Variants in SLFN12L observed in about 807,000 individuals in gnomAD.
SLFN12L encodes schlafen family member 12-like.
In SLFN12L, 34 loss-of-function variants were observed where a neutral mutation model predicts 34.8. The ratio of observed to expected loss-of-function variants is 0.98; its 90% CI spans 0.74 to 1.30. SLFN12L has a LOEUF of 1.30. Ranked by LOEUF, SLFN12L falls within the 50% of genes most tolerant of loss-of-function variation. The pLI is 0.00. For synonymous variants in SLFN12L, 259 were observed against 247.5 expected (o/e 1.05, Z -0.44); for missense variants, 703 against 696.2 (o/e 1.01, Z -0.11).
At chr17:35,525,018 C>A (rs987272834) in intron 1 of SLFN12L, among the ~76,000 whole-genome samples, 2 of 151,810 alleles carry the variant, frequency 1.3e-5, no homozygotes, top group Non-Finnish European at 2.9e-5. Context: ...ATATAAATGA[C>A]CTGATGGAGC....
In SLFN12L at chr17:35,480,182, G is replaced by A. The variant is rs750944182; in HGVS notation, c.100C>T (p.Arg34Cys). The A allele has an allele frequency of 7.6e-6, 12 of 1,582,716 alleles. No homozygotes were observed. The highest frequency in any genetic ancestry group is 1.9e-5 in the Admixed American group (1 of 53,996). The part of the protein sequence containing the change: ...LRNFIRKEFL[R>C]GNGLAAGKMN... ...TTCCCAGCAGCTAAGCCATTTCCACGCAGAAATTCTTTTCTGTAAAATAGA... is the reference window on the plus strand; with the variant it reads ...TTCCCAGCAGCTAAGCCATTTCCACACAGAAATTCTTTTCTGTAAAATAGA... Residue 34 changes from arginine (R) to cysteine (C), a missense_variant, in exon 3 of 5, where the codon CGT becomes TGT. By Grantham distance (180) the Arg-to-Cys change is radical. Coordinates refer to ENST00000628453, the MANE Select transcript of SLFN12L (RefSeq NM_001363830.2).
intron 2 of SLFN12L, among the ~76,000 whole-genome samples, chr17:35,511,164 T>C (rs1040344530): frequency 2.0e-5 from 3 of 152,174 alleles, no homozygotes; most frequent in Non-Finnish European, 4.4e-5. Context: ...TGCAGAGTTC[T>C]TTTCTTTTTC....
At position 35,479,978 on chromosome 17, in the gene SLFN12L, T is replaced by C; in HGVS notation, c.304A>G (p.Lys102Glu). The C allele has an allele frequency of 6.2e-7, 1 of 1,614,216 alleles. No homozygotes were observed. Residue 102 changes from lysine (K) to glutamate (E), a missense_variant, in exon 3 of 5, where the codon AAG (lysine) becomes GAG (glutamate). By Grantham distance (56) the Lys-to-Glu change is moderately conservative. Transcript: ENST00000628453. ...ALLNSGGGVIKAEVENKGYSY... is the reference protein window; with the variant it reads ...ALLNSGGGVIEAEVENKGYSY... Reference sequence around the variant, plus strand: ...TAGCCTTTATTCTCAACTTCAGCCTTGATCACTCCCCCTCCAGAATTCAGC... The same window carrying C: ...TAGCCTTTATTCTCAACTTCAGCCTCGATCACTCCCCCTCCAGAATTCAGC...
intron 1 of SLFN12L, among the ~76,000 whole-genome samples, chr17:35,527,470 C>T (rs961305961): frequency 1.3e-5 from 2 of 151,960 alleles, no homozygotes; most frequent in African/African-American, 2.4e-5. Flanking sequence ...ACTGGCAAAC[C>T]GAATCCAGCA....
Position 35,531,253 on chromosome 17 carries a change from TA to T in SLFN12L, c.-606+6319del, listed in dbSNP as rs1225267524. On this transcript the variant is annotated intron_variant, in intron 1 of 4. Coordinates refer to ENST00000628453, the MANE Select transcript of SLFN12L (RefSeq NM_001363830.2). ...TTTTTAGACAACCCACTAGCACTTTTATTTTTTTCACTAGCATCTTTATTAT... is the reference window on the plus strand; with the variant it reads ...TTTTTAGACAACCCACTAGCACTTTTTTTTTTTCACTAGCATCTTTATTAT... 2.0e-5 allele frequency among the ~76,000 whole-genome samples: 3 copies of T among 152,260 alleles called. No homozygotes were observed. The South Asian group carries it at 6.2e-4, about 32-fold the overall frequency.
chr17:35,534,340 A>C (rs2072439057), intron 1 of SLFN12L, among the ~76,000 whole-genome samples: 1 of 152,214 alleles, frequency 6.6e-6, no homozygotes. Context: ...CCAGCCTGGC[A>C]ACAGAGCAAG....
intron 1 of SLFN12L, among the ~76,000 whole-genome samples, chr17:35,524,970 A>G (rs886222639): frequency 4.6e-5 from 7 of 152,076 alleles, no homozygotes; most frequent in African/African-American, 1.4e-4. Context: ...AAAAAAGGTT[A>G]GACAAATTGC....
At chr17:35,496,505 C>T (rs1389763956) in intron 2 of SLFN12L, among the ~76,000 whole-genome samples, 1 of 140,630 alleles carries the variant, frequency 7.1e-6, no homozygotes, top group East Asian at 2.5e-4. Flanking sequence ...CTTCCGACTT[C>T]CCCCCTCCCC....
At chr17:35,503,900 T>C (rs1274747627) in intron 2 of SLFN12L, among the ~76,000 whole-genome samples, 1 of 151,194 alleles carries the variant, frequency 6.6e-6, no homozygotes, top group African/African-American at 2.4e-5. Context: ...AGAAAAGGAA[T>C]GGACTCATCA....
At chr17:35,482,831 C>T (rs780843312) in intron 2 of SLFN12L, among the ~76,000 whole-genome samples, 7 of 152,122 alleles carry the variant, frequency 4.6e-5, no homozygotes, top group South Asian at 2.1e-4. Context: ...GGCTGGGGAC[C>T]GGGCTGCCAG....
intron 2 of SLFN12L, among the ~76,000 whole-genome samples, chr17:35,493,045 T>C (rs1176066947): frequency 6.6e-6 from 1 of 151,876 alleles, no homozygotes; most frequent in African/African-American, 2.4e-5. Context: ...ATATGCAAAG[T>C]GGTGGTGGGG....
At chr17:35,509,490 G>C (rs565485686) in intron 2 of SLFN12L, among the ~76,000 whole-genome samples, 1 of 152,030 alleles carries the variant, frequency 6.6e-6, no homozygotes, top group East Asian at 1.9e-4. Context: ...CTGCATGCCC[G>C]CCCATTTAGT....
In SLFN12L at chr17:35,519,259, T is replaced by A. The variant is rs11657493; in HGVS notation, c.86+3020A>T. ...ATGCATGCACGGCTTAAAATCTAGA[T>A]GACAGGTTGATGGGTGCAGCAAACT... On this transcript the variant is annotated intron_variant, in intron 2 of 4. Transcript: ENST00000628453. Among the ~76,000 whole-genome samples the A allele has an allele frequency of 3.6e-3, 551 of 152,252 alleles. 4 individuals are homozygous for A. Among genetic ancestry groups the A allele is most frequent in the Middle Eastern group, 0.02 (6 of 294 alleles).
chr17:35,525,978 G>C (rs2072330769), intron 1 of SLFN12L, among the ~76,000 whole-genome samples: 1 of 152,092 alleles, frequency 6.6e-6, no homozygotes, highest in Non-Finnish European at 1.5e-5. Context: ...CACGTGCAAA[G>C]ACACACATAG....
chr17:35,514,658 T>G (rs982704985), intron 2 of SLFN12L: 1 of 289,528 alleles, frequency 3.5e-6, no homozygotes, highest in Non-Finnish European at 6.8e-6. Context: ...TTGGTAGATT[T>G]CAATGTAGAA....
At chr17:35,508,576 C>T (rs1597865978) in intron 2 of SLFN12L, among the ~76,000 whole-genome samples, 1 of 152,268 alleles carries the variant, frequency 6.6e-6, no homozygotes, top group African/African-American at 2.4e-5. Flanking sequence ...TCTCAATCTC[C>T]TGACCTCGTG....
rs1218143201 is a variant in SLFN12L at position 35,466,399 on chromosome 17, A to G, written c.*8524T>C. Among the ~76,000 whole-genome samples, 1 of 152,196 alleles carries G rather than the reference A, an allele frequency of 6.6e-6. No homozygotes were observed. The highest frequency in any genetic ancestry group is 2.4e-5 in the African/African-American group (1 of 41,448). On this transcript the variant is annotated 3_prime_UTR_variant, in exon 5 of 5. Coordinates refer to ENST00000628453, the MANE Select transcript of SLFN12L (RefSeq NM_001363830.2). The stretch of plus-strand genomic sequence containing the variant: ...TACAGAATGTCATATAGTTGGAATC[A>G]TACAGTATATAGCCTTTTCAGATGG...
intron 2 of SLFN12L, among the ~76,000 whole-genome samples, chr17:35,488,408 C>T (rs1457684457): frequency 2.0e-5 from 3 of 152,208 alleles, no homozygotes; most frequent in Admixed American, 2.0e-4. Flanking sequence ...AACAACTACC[C>T]CTTGCGGTGT....
chr17:35,498,589 G>A (rs569174686), intron 2 of SLFN12L: 150 of 1,587,580 alleles, frequency 9.4e-5, no homozygotes, highest in Non-Finnish European at 1.2e-4. Context: ...CGCTTCCATG[G>A]AATGTTTCTG....
Sources: gnomAD v4.1 joint callset for allele counts (sites outside exome capture counted in the v4.1 genomes callset) on GRCh38, gnomAD v4.1.1 for gene constraint, MANE v1.5 for transcripts, NCBI Gene and HGNC (gene_info 2026-07-23, HGNC 2026-07-21) for gene names.